UQCRC1: variants seen among roughly 807,000 people sequenced by gnomAD.
The protein encoded by UQCRC1 is cytochrome b-c1 complex subunit 1, mitochondrial.
Under a neutral mutation model 58.0 loss-of-function variants are expected in UQCRC1, and 34 were observed. That is an observed-to-expected ratio of 0.59 (90% CI 0.45 to 0.78). UQCRC1 has a LOEUF of 0.78. UQCRC1 is among the 30% of genes least tolerant of loss of function. The pLI is 0.00. For synonymous variants in UQCRC1, 276 were observed against 248.8 expected, an observed-to-expected ratio of 1.11 and a Z score of -1.03; for missense variants, 610 against 646.0, an observed-to-expected ratio of 0.94 and a Z score of 0.60.
intron 6 of UQCRC1, among the ~76,000 whole-genome samples, chr3:48,603,047 C>A (rs544925801): frequency 6.0e-4 from 92 of 152,260 alleles, no homozygotes; most frequent in Non-Finnish European, 1.2e-3. Flanking sequence ...GCGCTCAGCT[C>A]CCCACACCCC....
intron 6 of UQCRC1, among the ~76,000 whole-genome samples, chr3:48,602,074 G>A (rs375059386): frequency 2.7e-5 from 4 of 147,066 alleles, no homozygotes; most frequent in Non-Finnish European, 3.0e-5. Flanking sequence ...TTTTTGAGAC[G>A]GAGTCTCGCT....
intron 2 of UQCRC1, among the ~76,000 whole-genome samples, chr3:48,606,983 C>T (rs1273785567): frequency 6.6e-6 from 1 of 152,000 alleles, no homozygotes; most frequent in Non-Finnish European, 1.5e-5. Context: ...CTCAGCCTCC[C>T]GAGTAGCTGG....
At chr3:48,601,489 T>C in intron 6 of UQCRC1, 22 bp from the exon 7 acceptor site, 1 of 1,610,566 alleles carries the variant, frequency 6.2e-7, no homozygotes. Context: ...GACAGTGGCA[T>C]TACTGACCAG....
chr3:48,605,291 C>T (rs112545345), intron 3 of UQCRC1, among the ~76,000 whole-genome samples: 1,785 of 152,318 alleles, frequency 0.012, 43 homozygotes, highest in African/African-American at 0.04. Flanking sequence ...ATTCTGCACA[C>T]ATACCTGTGA....
intron 2 of UQCRC1, among the ~76,000 whole-genome samples, chr3:48,608,657 A>G (rs965371189): frequency 2.0e-5 from 3 of 152,262 alleles, no homozygotes; most frequent in East Asian, 1.9e-4. Context: ...ACCTATTCAT[A>G]TATCTATCTG....
At chr3:48,606,773 T>G (rs1267029305) in intron 2 of UQCRC1, among the ~76,000 whole-genome samples, 2 of 151,334 alleles carry the variant, frequency 1.3e-5, no homozygotes, top group African/African-American at 4.8e-5. Flanking sequence ...AAGAAACACG[T>G]ACCACTCACC....
chr3:48,609,040 T>A (rs2046438447), intron 2 of UQCRC1, 122 bp downstream of exon 2: 4 of 1,344,308 alleles, frequency 3.0e-6, no homozygotes, highest in Non-Finnish European at 4.0e-6. Flanking sequence ...TCGGGGTGAG[T>A]GGTCCTGGGT....
chr3:48,602,527 T>G (rs572371261), intron 6 of UQCRC1, among the ~76,000 whole-genome samples: 20 of 151,116 alleles, frequency 1.3e-4, no homozygotes, highest in East Asian at 5.8e-4. Flanking sequence ...ATGTTTGTTT[T>G]TTTTTTTTTT....
chr3:48,603,448 G>A, intron 6 of UQCRC1, 116 bp downstream of exon 6: 2 of 966,974 alleles, frequency 2.1e-6, no homozygotes, highest in Non-Finnish European at 3.2e-6. Flanking sequence ...TCAAGGTTAG[G>A]GTGGGAGCAG....
rs556956710 is a variant in UQCRC1, at chr3:48,607,009, C to T, written c.211-1153G>A. ...GAGTAGCTGGAACTACAGGCGTGCA[C>T]CACCACGCCCAGCTAATTTTTGTTT... On this transcript the variant is annotated intron_variant, in intron 2 of 12. Coordinates refer to ENST00000203407, the MANE Select transcript of UQCRC1 (RefSeq NM_003365.3). 1.6e-4 allele frequency among the ~76,000 whole-genome samples: 25 copies of T among 152,072 alleles called. No individual in the cohort carries two copies. In the South Asian group the frequency reaches 5.2e-3, roughly 32 times the overall value.
At chr3:48,600,885 C>T (rs768457004) in intron 8 of UQCRC1, 45 bp from the exon 9 acceptor site, 24 of 1,612,486 alleles carry the variant, frequency 1.5e-5, no homozygotes, top group East Asian at 2.2e-5. Flanking sequence ...TTGTCTTCAA[C>T]GCACACTGTG....
At position 48,599,078 on chromosome 3, in the gene UQCRC1, G is replaced by C. The variant is rs1293228189; in HGVS notation, c.*50C>G. 2 of 1,598,966 alleles carry C rather than the reference G, an allele frequency of 1.3e-6. No homozygotes were observed. Among genetic ancestry groups the C allele is most frequent in the Non-Finnish European group, 1.7e-6 (2 of 1,168,914 alleles). On this transcript the variant is annotated 3_prime_UTR_variant, in exon 13 of 13. Transcript: ENST00000203407. ...CCGAAGTGCTGTGTTTGTGGTGGGG[G>C]GGGGACCACAAACCCCGGCCCTGCC...
In UQCRC1 at chr3:48,600,680, C is replaced by G; in HGVS notation, c.1127G>C (p.Trp376Ser). The G allele has an allele frequency of 1.2e-6, 2 of 1,614,154 alleles. No homozygotes were observed. Among genetic ancestry groups the G allele is most frequent in the Non-Finnish European group, 1.7e-6 (2 of 1,180,030 alleles). Residue 376 changes from tryptophan (W) to serine (S), a missense_variant and splice_region_variant, in exon 9 of 13, where the codon TGG becomes TCG. By Grantham distance (177) the Trp-to-Ser change is radical (BLOSUM62 -3). Coordinates refer to ENST00000203407, the MANE Select transcript of UQCRC1 (RefSeq NM_003365.3). ...CTAGGAATACCAGGCTGCCACTTAC[C>G]ACTGCCCTTGCAGGACGAACATCAT... ...DDMMFVLQGQ[W>S]MRLCTSATES... is the part of the protein sequence containing the mutation.
intron 12 of UQCRC1, chr3:48,599,434 C>A (rs2046341414): frequency 2.9e-6 from 2 of 696,628 alleles, no homozygotes; most frequent in Admixed American, 2.8e-5. Context: ...GATGAAGGCA[C>A]CTTGGCAGGC....
chr3:48,601,257 T>C, intron 7 of UQCRC1, 95 bp downstream of exon 7: 1 of 1,549,044 alleles, frequency 6.5e-7, no homozygotes, highest in African/African-American at 1.4e-5. Context: ...TCCCAACTGC[T>C]GAGGTATCTC....
rs142316648 is a variant in UQCRC1 at position 48,608,724 on chromosome 3, A to G, written c.210+438T>C. ...ATTTGTATTTTTTGGAAAATCACAC[A>G]TTTCATTGTACTGTTAAAATGCATT... On this transcript the variant is annotated intron_variant, in intron 2 of 12. Coordinates refer to ENST00000203407, the MANE Select transcript of UQCRC1 (RefSeq NM_003365.3). 3.3e-5 allele frequency among the ~76,000 whole-genome samples: 5 copies of G among 152,326 alleles called. No homozygotes were observed. In the East Asian group the frequency reaches 9.6e-4, roughly 29 times the overall value.
At chr3:48,606,757 AT>A (rs202189791) in intron 2 of UQCRC1, among the ~76,000 whole-genome samples, 2 of 151,940 alleles carry the variant, frequency 1.3e-5, no homozygotes, top group South Asian at 2.1e-4. Flanking sequence ...AAAAAAAAAA[AT>A]GTAAAAGAAA....
Position 48,609,588 on chromosome 3 carries a change from G to A in UQCRC1, c.33C>T (p.Thr11=), listed in dbSNP as rs1375105704. 1 of 1,571,968 alleles carries A rather than the reference G, an allele frequency of 6.4e-7. No homozygotes were observed. The highest frequency in any genetic ancestry group is 1.8e-5 in the Admixed American group (1 of 56,310). The part of the protein sequence containing the change: MAASVVCRAA[T]AGAQVLLRAR... ...CGCGCAATAGCACTTGTGCCCCGGC[G>A]GTAGCGGCCCGACAGACCACGGACG... The change falls in exon 1 of 13, where the codon ACC becomes ACT. Residue 11 remains threonine (T), a synonymous_variant. Transcript: ENST00000203407.
intron 11 of UQCRC1, 89 bp downstream of exon 11, chr3:48,599,974 C>T: frequency 6.6e-7 from 1 of 1,506,558 alleles, no homozygotes; most frequent in Non-Finnish European, 9.1e-7. Flanking sequence ...CCTATAGGAG[C>T]AGGCTGCGCT....
Sources: allele counts gnomAD v4.1 joint callset (sites outside exome capture counted in the v4.1 genomes callset), GRCh38; gene constraint gnomAD v4.1.1; transcripts MANE v1.5; gene names NCBI Gene and HGNC (gene_info 2026-07-23, HGNC 2026-07-21).